Variants in KIF26A observed in about 807,000 individuals in gnomAD.
KIF26A encodes the protein kinesin family member 26A.
Under a neutral mutation model 126.0 loss-of-function variants are expected in KIF26A, and 74 were observed. The ratio of observed to expected loss-of-function variants is 0.59; its 90% CI spans 0.49 to 0.71. The LOEUF (loss-of-function observed/expected upper bound fraction) is 0.71. KIF26A is among the 30% of genes least tolerant of loss of function. KIF26A has a pLI of 0.00. For synonymous variants in KIF26A, 1,445 were observed against 1,232.7 expected (o/e 1.17, Z -3.61); for missense variants, 2,984 against 2,763.3 (o/e 1.08, Z -1.79).
rs1422913617 is a variant in KIF26A, at chr14:104,174,972, C to T, written c.2194-10C>T. The T allele has an allele frequency of 1.3e-6, 2 of 1,516,824 alleles. No individual in the cohort carries two copies. The highest frequency in any genetic ancestry group is 1.7e-4 in the Middle Eastern group (1 of 5,862). 94.0% of individuals were successfully genotyped at this position (1,516,824 alleles called of 1,614,324 possible). On this transcript the variant is annotated splice_polypyrimidine_tract_variant and intron_variant, in intron 11 of 14. Transcript: ENST00000423312. ...GACTGGGCTCGGCAGCTCCACTTTT[C>T]TTCCCCCAGTACGCCTCCAGCTCCT... is the stretch of plus-strand genomic sequence containing the variant.
rs1050359934 is a variant in KIF26A at position 104,177,251 on chromosome 14, T to C, written c.4463T>C (p.Val1488Ala). 3.3e-5 allele frequency: 52 copies of C among 1,596,752 alleles called. No individual in the cohort carries two copies. The highest frequency in any genetic ancestry group is 4.2e-5 in the Non-Finnish European group (49 of 1,175,256). The change falls in exon 12 of 15, where the codon GTG becomes GCG. Residue 1488 changes from valine to alanine, a missense_variant. Val to Ala is a moderately conservative substitution (Grantham distance 64, BLOSUM62 0). Transcript: ENST00000423312. Reference protein sequence around the residue: ...PACRSGAAKAVGAPKPPVGGG... With the variant: ...PACRSGAAKAAGAPKPPVGGG... ...TGTAGGAGCGGCGCAGCCAAGGCTG[T>C]GGGGGCCCCCAAGCCCCCTGTTGGT...
At chr14:104,164,201 A>C (rs1003806003) in intron 4 of KIF26A, among the ~76,000 whole-genome samples, 1 of 150,658 alleles carries the variant, frequency 6.6e-6, no homozygotes, top group Non-Finnish European at 1.5e-5. Flanking sequence ...GTCCTTCCAC[A>C]CTGGGGTCAG....
intron 3 of KIF26A, among the ~76,000 whole-genome samples, chr14:104,154,629 TG>T (rs1473209033): frequency 6.6e-6 from 1 of 152,168 alleles, no homozygotes; most frequent in African/African-American, 2.4e-5. Flanking sequence ...CTCTGGACAG[TG>T]GTCATGGGGC....
chr14:104,160,061 C>T (rs2037819218), intron 4 of KIF26A, among the ~76,000 whole-genome samples: 1 of 152,094 alleles, frequency 6.6e-6, no homozygotes, highest in South Asian at 2.1e-4. Flanking sequence ...TGGCACTGAC[C>T]CCAGCCCCTG....
intron 4 of KIF26A, among the ~76,000 whole-genome samples, chr14:104,165,557 CTGTG>C (rs528990853): frequency 7.4e-6 from 1 of 134,918 alleles, no homozygotes; most frequent in Non-Finnish European, 1.6e-5. Context: ...GTGTGTGTGT[CTGTG>C]TGTTTCTGTA....
chr14:104,178,259 C>T lies in KIF26A; in HGVS notation c.5111-291C>T, dbSNP rs143784844. Among the ~76,000 whole-genome samples the T allele has an allele frequency of 2.5e-3, 378 of 152,278 alleles. 2 individuals carry two copies. Among genetic ancestry groups the T allele is most frequent in the African/African-American group, 7.6e-3 (317 of 41,556 alleles). ...GGCCTCGTGCCTCCCTGGCGAGTGT[C>T]GAGCTGCCTGGAAGGCCCCCGCCAG... On this transcript the variant is annotated intron_variant, in intron 12 of 14. Transcript: ENST00000423312.
intron 2 of KIF26A, among the ~76,000 whole-genome samples, chr14:104,149,662 T>TGGCCAGACC (rs2037709235): frequency 6.6e-6 from 1 of 152,126 alleles, no homozygotes; most frequent in Non-Finnish European, 1.5e-5. Context: ...CTGTTGCCCC[T>TGGCCAGACC]CTGCCTGGCC....
At chr14:104,144,506 A>G (rs1259304135) in intron 2 of KIF26A, among the ~76,000 whole-genome samples, 2 of 152,194 alleles carry the variant, frequency 1.3e-5, no homozygotes, top group East Asian at 3.9e-4. Flanking sequence ...GGAGTGGGCT[A>G]AGGGAATGGG....
At position 104,176,083 on chromosome 14, in the gene KIF26A, G is replaced by T; in HGVS notation, c.3295G>T (p.Ala1099Ser). The T allele has an allele frequency of 6.3e-7, 1 of 1,592,274 alleles. No individual in the cohort carries two copies. Among genetic ancestry groups the T allele is most frequent in the Non-Finnish European group, 8.5e-7 (1 of 1,171,446 alleles). ...QAPEGGPLEGAAWAGSSHGSS... is the reference protein window; with the variant it reads ...QAPEGGPLEGSAWAGSSHGSS... Reference sequence around the variant, plus strand: ...CCCTGAGGGGGGGCCCCTGGAGGGGGCAGCCTGGGCCGGCAGCAGTCACGG... The same window carrying T: ...CCCTGAGGGGGGGCCCCTGGAGGGGTCAGCCTGGGCCGGCAGCAGTCACGG... Residue 1099 changes from alanine to serine, a missense_variant, in exon 12 of 15, where the codon GCA becomes TCA. Ala to Ser is a moderately conservative substitution (Grantham distance 99, BLOSUM62 1). Coordinates refer to ENST00000423312, the MANE Select transcript of KIF26A (RefSeq NM_015656.2).
At chr14:104,144,870 G>A (rs2037667430) in intron 2 of KIF26A, among the ~76,000 whole-genome samples, 1 of 152,236 alleles carries the variant, frequency 6.6e-6, no homozygotes, top group Admixed American at 6.5e-5. Context: ...TGCCTTGGTC[G>A]TGTCTGCTTC....
intron 3 of KIF26A, among the ~76,000 whole-genome samples, chr14:104,155,402 C>T (rs1212419354): frequency 2.6e-5 from 4 of 152,144 alleles, no homozygotes; most frequent in Non-Finnish European, 5.9e-5. Context: ...GGAAGCTCCC[C>T]GTGGGGTGGG....
intron 4 of KIF26A, 33 bp from the exon 5 acceptor site, chr14:104,166,823 CCCA>C: frequency 6.6e-7 from 1 of 1,505,138 alleles, no homozygotes; most frequent in Non-Finnish European, 8.9e-7. Context: ...GCTGCTGTCA[CCCA>C]CCACTGATCC....
Position 104,177,905 on chromosome 14 carries a change from G to T in KIF26A, c.5110+7G>T. 6.6e-7 allele frequency: 1 copy of T among 1,513,744 alleles called. No individual in the cohort carries two copies. The highest frequency in any genetic ancestry group is 8.8e-7 in the Non-Finnish European group (1 of 1,139,374). 93.8% of individuals were successfully genotyped at this position (1,513,744 alleles called of 1,614,324 possible). On this transcript the variant is annotated splice_region_variant and intron_variant, in intron 12 of 14. Coordinates refer to ENST00000423312, the MANE Select transcript of KIF26A (RefSeq NM_015656.2). ...CCCAAGAAGAGGGCCACAGGTGGGT[G>T]CAGAGGTGCACAGCCCTCTACAGTT...
At chr14:104,170,152 C>G (rs2037943405) in intron 5 of KIF26A, among the ~76,000 whole-genome samples, 1 of 152,230 alleles carries the variant, frequency 6.6e-6, no homozygotes, top group African/African-American at 2.4e-5. Context: ...GCTAGGAAGT[C>G]TCTCAAATCT....
rs1286261490 is a variant in KIF26A at position 104,175,866 on chromosome 14, C to T, written c.3078C>T (p.Leu1026=). 1.9e-6 allele frequency: 3 copies of T among 1,539,558 alleles called. No homozygotes were observed. The highest frequency in any genetic ancestry group is 2.6e-6 in the Non-Finnish European group (3 of 1,147,678). Residue 1026 remains leucine (L), a synonymous_variant, in exon 12 of 15, where the codon CTC becomes CTT. Transcript: ENST00000423312. ...TGACCCTGCAGCGGCCAGTGGAGCT[C>T]AACGGCGAGGACGAGCTGGTGTTCA... is the stretch of plus-strand genomic sequence containing the variant. The part of the protein sequence containing the change: ...TTVTLQRPVE[L]NGEDELVFTV...
At position 104,176,570 on chromosome 14, in the gene KIF26A, C is replaced by T. The variant is rs766297365; in HGVS notation, c.3782C>T (p.Pro1261Leu). The T allele has an allele frequency of 6.2e-7, 1 of 1,607,488 alleles. No individual in the cohort carries two copies. Among genetic ancestry groups the T allele is most frequent in the East Asian group, 2.2e-5 (1 of 44,876 alleles). The change falls in exon 12 of 15, where the codon CCC becomes CTC. Residue 1261 changes from proline to leucine, a missense_variant. Coordinates refer to ENST00000423312, the MANE Select transcript of KIF26A (RefSeq NM_015656.2). ...CAGGCAGCTTCTGCTGGCAGGGCCC[C>T]CAGCCCCACACTTGGCTCCCCCCGG... Reference protein sequence around the residue: ...DTQAASAGRAPSPTLGSPRLP... With the variant: ...DTQAASAGRALSPTLGSPRLP...
In KIF26A at chr14:104,173,073, G is replaced by T. The variant is rs781649413; in HGVS notation, c.1517G>T (p.Arg506Leu). The T allele has an allele frequency of 6.9e-6, 11 of 1,605,018 alleles. No homozygotes were observed. Among genetic ancestry groups the T allele is most frequent in the Non-Finnish European group, 8.5e-6 (10 of 1,176,712 alleles). The change falls in exon 8 of 15, where the codon CGC becomes CTC. Residue 506 changes from arginine (R) to leucine (L), a missense_variant. Physicochemically the swap from Arg to Leu is moderately radical, Grantham distance 102. Transcript: ENST00000423312. ...ISWLFRLIEE[R>L]RERTGTRFSV... is the part of the protein sequence containing the mutation. Reference sequence around the variant, plus strand: ...TGGCTCTTCAGGCTCATCGAGGAGCGCAGGGAGAGGACGGGCACCCGCTTC... The same window carrying T: ...TGGCTCTTCAGGCTCATCGAGGAGCTCAGGGAGAGGACGGGCACCCGCTTC...
In KIF26A at chr14:104,175,071, T is replaced by C. The variant is rs763758169; in HGVS notation, c.2283T>C (p.Thr761=). 1.1e-5 allele frequency: 18 copies of C among 1,591,310 alleles called. No individual in the cohort carries two copies. The highest frequency in any genetic ancestry group is 2.3e-5 in the East Asian group (1 of 43,692). The change falls in exon 12 of 15, where the codon ACT becomes ACC. Residue 761 remains threonine, a synonymous_variant. Transcript: ENST00000423312. The part of the protein sequence containing the change: ...PPHLRPFHPR[T]VALDPDRTPP... ...ACCTGCGGCCCTTCCACCCACGCAC[T>C]GTGGCCCTGGACCCCGACCGCACGC...
intron 1 of KIF26A, 135 bp downstream of exon 1, chr14:104,138,899 G>T (rs895670383): frequency 8.0e-7 from 1 of 1,250,648 alleles, no homozygotes; most frequent in African/African-American, 1.6e-5. Context: ...GGACCTCCGG[G>T]GATGGAGGGA....
Sources: allele counts gnomAD v4.1 joint callset (sites outside exome capture counted in the v4.1 genomes callset), GRCh38; gene constraint gnomAD v4.1.1; transcripts MANE v1.5; gene names NCBI Gene and HGNC (gene_info 2026-07-23, HGNC 2026-07-21).